Variants in C10orf67 observed in about 807,000 individuals in gnomAD.
C10orf67 encodes the protein uncharacterized protein C10orf67, mitochondrial.
C10orf67 carries 60 observed loss-of-function variants against 35.6 expected under a neutral mutation model. That is an observed-to-expected ratio of 1.68 (90% CI 1.37 to 2.09). The LOEUF (loss-of-function observed/expected upper bound fraction) is 2.09, where lower values mean the gene tolerates loss of function less well. Among genes scored for constraint, C10orf67 ranks in the 30% most tolerant of loss-of-function variants. C10orf67 has a pLI of 0.00. For missense variants in C10orf67, 474 were observed against 330.2 expected, an observed-to-expected ratio of 1.44 and a Z score of -3.38; for synonymous variants, 167 against 115.8, an observed-to-expected ratio of 1.44 and a Z score of -2.84.
intron 15 of C10orf67, among the ~76,000 whole-genome samples, chr10:23,217,954 G>A (rs1841475320): frequency 1.3e-5 from 2 of 152,080 alleles, no homozygotes; most frequent in African/African-American, 2.4e-5. Flanking sequence ...CATATGGGTT[G>A]CCTTCCCTTT....
intron 15 of C10orf67, among the ~76,000 whole-genome samples, chr10:23,222,083 C>G (rs1267353033): frequency 6.6e-6 from 1 of 152,024 alleles, no homozygotes; most frequent in Non-Finnish European, 1.5e-5. Context: ...TATTTATATT[C>G]AATTTTATTA....
At chr10:23,217,775 A>G (rs75194407) in intron 15 of C10orf67, among the ~76,000 whole-genome samples, 2,315 of 152,332 alleles carry the variant, frequency 0.015, 55 homozygotes, top group African/African-American at 0.053. Flanking sequence ...AATATTGTCT[A>G]TGGATGCTTA....
intron 1 of C10orf67, among the ~76,000 whole-genome samples, chr10:23,338,386 T>C (rs1451672189): frequency 6.6e-6 from 1 of 152,162 alleles, no homozygotes; most frequent in Middle Eastern, 3.2e-3. Flanking sequence ...GCTCCCAACG[T>C]GGCAGCATGA....
chr10:23,311,174 C>T lies in C10orf67; in HGVS notation c.547-7715G>A, dbSNP rs553951186. ...AGTATTTTGTTATTTACTTTTGGGG[C>T]TTTGGATGAAACTGAAACCCAAGAG... On this transcript the variant is annotated intron_variant, in intron 4 of 15. Coordinates refer to ENST00000636213, the MANE Select transcript of C10orf67 (RefSeq NM_001371909.1). Among the ~76,000 whole-genome samples, 8 of 152,260 alleles carry T rather than the reference C, an allele frequency of 5.3e-5. No individual in the cohort carries two copies. The East Asian group carries it at 1.5e-3, about 29-fold the overall frequency.
chr10:23,335,230 T>C (rs1406214961), intron 1 of C10orf67, among the ~76,000 whole-genome samples: 4 of 152,006 alleles, frequency 2.6e-5, no homozygotes, highest in African/African-American at 9.7e-5. Flanking sequence ...GACTGATGAC[T>C]TTGCTCAGCC....
intron 15 of C10orf67, among the ~76,000 whole-genome samples, chr10:23,214,668 TA>T (rs1054495973): frequency 3.3e-5 from 5 of 152,058 alleles, no homozygotes; most frequent in African/African-American, 1.2e-4. Flanking sequence ...TAGAAAAGAC[TA>T]AAAATCATAT....
At chr10:23,244,491 A>T (rs1353645876) in intron 12 of C10orf67, among the ~76,000 whole-genome samples, 1 of 152,212 alleles carries the variant, frequency 6.6e-6, no homozygotes, top group African/African-American at 2.4e-5. Flanking sequence ...CAGCAGAGCT[A>T]ATAAATTCAG....
chr10:23,252,395 T>C (rs1842478424), intron 10 of C10orf67, among the ~76,000 whole-genome samples: 2 of 152,228 alleles, frequency 1.3e-5, no homozygotes, highest in Non-Finnish European at 2.9e-5. Flanking sequence ...TTTACTGAAA[T>C]AATATATTTT....
At position 23,322,430 on chromosome 10, in the gene C10orf67, A is replaced by G; in HGVS notation, c.435T>C (p.His145=). ...EESLSLFTIL[H]DRILEIEKHY... ...GCTTTTCAATTTCTAGGATCCTGTCATGCAGAATGGTGAAGAGACTCAAAG... is the reference window on the plus strand; with the variant it reads ...GCTTTTCAATTTCTAGGATCCTGTCGTGCAGAATGGTGAAGAGACTCAAAG... Residue 145 remains histidine (H), a synonymous_variant, in exon 3 of 16, where the codon CAT becomes CAC. Transcript: ENST00000636213. 6.2e-7 allele frequency: 1 copy of G among 1,609,540 alleles called. No individual in the cohort carries two copies. Among genetic ancestry groups the G allele is most frequent in the Non-Finnish European group, 8.5e-7 (1 of 1,175,886 alleles).
At chr10:23,268,140 T>G (rs928913076) in intron 8 of C10orf67, among the ~76,000 whole-genome samples, 2 of 151,746 alleles carry the variant, frequency 1.3e-5, no homozygotes, top group Non-Finnish European at 2.9e-5. Context: ...AATAAAAAAA[T>G]AAAAATTACC....
intron 12 of C10orf67, among the ~76,000 whole-genome samples, chr10:23,246,939 T>C (rs1333538719): frequency 1.3e-5 from 2 of 152,092 alleles, no homozygotes; most frequent in East Asian, 3.9e-4. Flanking sequence ...TCCTCCCACC[T>C]GTCAGGCTGC....
intron 15 of C10orf67, 113 bp from the exon 16 acceptor site, chr10:23,204,368 C>T: frequency 2.4e-6 from 1 of 419,332 alleles, no homozygotes; most frequent in Admixed American, 4.3e-5. Context: ...TGGGTCTTCC[C>T]AGCCCTGGCC....
chr10:23,308,697 C>A (rs11013378), intron 4 of C10orf67, among the ~76,000 whole-genome samples: 2 of 151,916 alleles, frequency 1.3e-5, no homozygotes, highest in Non-Finnish European at 2.9e-5. Flanking sequence ...CAGCTTGGGA[C>A]CTTGAACAAG....
intron 3 of C10orf67, 80 bp downstream of exon 3, chr10:23,322,314 C>T: frequency 1.4e-6 from 2 of 1,437,216 alleles, no homozygotes; most frequent in Non-Finnish European, 1.9e-6. Context: ...TCACAAGTTA[C>T]TAAATTCTAA....
At chr10:23,261,252 C>G (rs757352964) in intron 10 of C10orf67, among the ~76,000 whole-genome samples, 1 of 152,166 alleles carries the variant, frequency 6.6e-6, no homozygotes, top group South Asian at 2.1e-4. Context: ...CACACACACA[C>G]GCAACAAAGA....
intron 13 of C10orf67, among the ~76,000 whole-genome samples, chr10:23,227,085 T>C (rs960025588): frequency 6.6e-6 from 1 of 152,216 alleles, no homozygotes; most frequent in Non-Finnish European, 1.5e-5. Flanking sequence ...CCCTAACTCA[T>C]TTTATGAGGC....
intron 8 of C10orf67, among the ~76,000 whole-genome samples, chr10:23,281,595 AG>A (rs1485649032): frequency 6.6e-6 from 1 of 152,236 alleles, no homozygotes; most frequent in East Asian, 1.9e-4. Context: ...GAACATAAAA[AG>A]GCAGTGTTTT....
intron 4 of C10orf67, among the ~76,000 whole-genome samples, chr10:23,312,325 G>C (rs1258676553): frequency 2.0e-5 from 3 of 152,102 alleles, no homozygotes; most frequent in African/African-American, 7.2e-5. Flanking sequence ...TTGATGCATG[G>C]ATTTTCCCAG....
At chr10:23,334,420 G>C (rs1352208397) in intron 1 of C10orf67, among the ~76,000 whole-genome samples, 1 of 152,226 alleles carries the variant, frequency 6.6e-6, no homozygotes, top group Non-Finnish European at 1.5e-5. Flanking sequence ...AGCCCAAGTA[G>C]AATTATCAGA....
Sources: allele counts gnomAD v4.1 joint callset (sites outside exome capture counted in the v4.1 genomes callset), GRCh38; gene constraint gnomAD v4.1.1; transcripts MANE v1.5; gene names NCBI Gene and HGNC (gene_info 2026-07-23, HGNC 2026-07-21).